Variants in HORMAD2 observed in about 807,000 individuals in gnomAD.
The protein encoded by HORMAD2 is HORMA domain containing 2, also known as HORMA domain-containing protein 2.
In HORMAD2, 45 loss-of-function variants were observed where a neutral mutation model predicts 38.8. The ratio of observed to expected loss-of-function variants is 1.16; its 90% confidence interval spans 0.91 to 1.49. The LOEUF (loss-of-function observed/expected upper bound fraction) is 1.49. Among genes scored for constraint, HORMAD2 ranks in the 40% most tolerant of loss-of-function variants. The probability of loss-of-function intolerance (pLI) is 0.00; values close to 1 mark genes in which losing one functional copy is unlikely to be tolerated. For missense variants in HORMAD2, 338 were observed against 367.0 expected, an observed-to-expected ratio of 0.92 and a Z score of 0.65; for synonymous variants, 126 against 122.8, an observed-to-expected ratio of 1.03 and a Z score of -0.17.
chr22:30,078,617 A>C (rs2068416800), upstream of HORMAD2, among the ~76,000 whole-genome samples: 1 of 148,030 alleles, frequency 6.8e-6, no homozygotes, highest in Admixed American at 6.8e-5. Flanking sequence ...CAAAAAAAAA[A>C]AAAAAAAAAA....
At position 30,093,942 on chromosome 22, in the gene HORMAD2, A is replaced by G. The variant is rs530945240; in HGVS notation, c.-11A>G. 38 of 1,589,734 alleles carry G rather than the reference A, an allele frequency of 2.4e-5. 2 individuals carry two copies. The South Asian group carries it at 4.3e-4, about 18-fold the overall frequency. On this transcript the variant is annotated 5_prime_UTR_variant, in exon 2 of 11. It adds an upstream start codon to the 5' untranslated region. Transcript: ENST00000336726. ...TTGGACTTGTTGAAATAATCCTGAT[A>G]CATTCCTACAATGGCCACTGCTCAG...
the HORMAD2 span, among the ~76,000 whole-genome samples, chr22:30,201,783 G>T: frequency 6.6e-6 from 1 of 152,044 alleles, no homozygotes; most frequent in East Asian, 1.9e-4. Flanking sequence ...TGTCTCTGAC[G>T]AGGCTACATC....
chr22:30,102,113 C>T (rs1314093633), intron 3 of HORMAD2, among the ~76,000 whole-genome samples: 1 of 152,088 alleles, frequency 6.6e-6, no homozygotes, highest in African/African-American at 2.4e-5. Context: ...CAATAAAATG[C>T]ATGTGTGCTA....
rs1292787360 is a variant in HORMAD2, at chr22:30,121,654, GAAAGTGGAAC to G, written c.437_446del (p.Ser146ThrfsTer12). On this transcript the variant is annotated frameshift_variant, in exon 9 of 11. Transcript: ENST00000336726. LOFTEE classifies it high-confidence loss of function. ...TAGTCATAGCAGCAGTACAAGCTTT[GAAAGTGGAAC>G]AAACAATGAAGATATTAAGAAAGCC... 1.9e-6 allele frequency: 3 copies of G among 1,599,074 alleles called. No individual in the cohort carries two copies. Among genetic ancestry groups the G allele is most frequent in the East Asian group, 4.5e-5 (2 of 44,570 alleles).
chr22:30,118,891 AGT>A lies in HORMAD2; in HGVS notation c.343-87_343-86del, dbSNP rs1922237369. 18 of 803,412 alleles carry A rather than the reference AGT, an allele frequency of 2.2e-5. No homozygotes were observed. In the South Asian group the frequency reaches 2.6e-4, roughly 12 times the overall value. 49.8% of individuals were successfully genotyped at this position (803,412 alleles called of 1,614,324 possible). The stretch of plus-strand genomic sequence containing the variant: ...TATATAGGAAGTACAGTAGATATAC[AGT>A]GAAAATGTTCCTTACTTATGATCAG... On this transcript the variant is annotated intron_variant, in intron 7 of 10. Coordinates refer to ENST00000336726, the MANE Select transcript of HORMAD2 (RefSeq NM_152510.4).
chr22:30,124,287 ACACAC>A (rs1244482542), intron 10 of HORMAD2, among the ~76,000 whole-genome samples: 9 of 151,722 alleles, frequency 5.9e-5, no homozygotes, highest in African/African-American at 2.2e-4. Flanking sequence ...ACACACACAC[ACACAC>A]ATACATACAT....
the HORMAD2 span, among the ~76,000 whole-genome samples, chr22:30,195,566 C>T: frequency 6.6e-6 from 1 of 152,224 alleles, no homozygotes; most frequent in Non-Finnish European, 1.5e-5. Flanking sequence ...GATACCTCAA[C>T]TAGGAATGTC....
intron 10 of HORMAD2, among the ~76,000 whole-genome samples, chr22:30,134,196 G>A (rs962429716): frequency 1.1e-4 from 16 of 151,796 alleles, no homozygotes; most frequent in Non-Finnish European, 2.2e-4. Flanking sequence ...TCAGGAGTTC[G>A]AGACAAGCCT....
chr22:30,166,371 G>A (rs916799448), intron 10 of HORMAD2, among the ~76,000 whole-genome samples: 2 of 152,128 alleles, frequency 1.3e-5, no homozygotes, highest in African/African-American at 4.8e-5. Context: ...ATGTCAAATA[G>A]GTAGCCACTT....
At chr22:30,187,402 C>A in the HORMAD2 span, among the ~76,000 whole-genome samples, 3 of 152,162 alleles carry the variant, frequency 2.0e-5, no homozygotes, top group African/African-American at 7.2e-5. Context: ...AACCACCATG[C>A]TTTGCTATGA....
intron 10 of HORMAD2, among the ~76,000 whole-genome samples, chr22:30,154,805 T>C (rs1420464004): frequency 6.6e-6 from 1 of 152,208 alleles, no homozygotes; most frequent in Non-Finnish European, 1.5e-5. Context: ...TGGTGGATTA[T>C]GCTTGTTATC....
intron 10 of HORMAD2, among the ~76,000 whole-genome samples, chr22:30,124,077 C>G (rs1383179853): frequency 6.6e-6 from 1 of 151,754 alleles, no homozygotes; most frequent in Non-Finnish European, 1.5e-5. Context: ...GATAATCCTT[C>G]TCAAGCATAC....
At chr22:30,131,060 A>G (rs1923250492) in intron 10 of HORMAD2, among the ~76,000 whole-genome samples, 1 of 152,192 alleles carries the variant, frequency 6.6e-6, no homozygotes, top group African/African-American at 2.4e-5. Context: ...AACTTCCCCT[A>G]AAGATCCTTA....
chr22:30,188,553 C>T, the HORMAD2 span, among the ~76,000 whole-genome samples: 1 of 152,150 alleles, frequency 6.6e-6, no homozygotes, highest in Non-Finnish European at 1.5e-5. Flanking sequence ...TTTGTATGTA[C>T]ATAAATTTCC....
intron 3 of HORMAD2, among the ~76,000 whole-genome samples, chr22:30,103,187 C>T (rs1006875888): frequency 1.3e-5 from 2 of 152,018 alleles, no homozygotes; most frequent in African/African-American, 4.8e-5. Context: ...GATTTTGGAG[C>T]CAACTCAGTT....
At chr22:30,111,286 G>A (rs1921631163) in intron 5 of HORMAD2, among the ~76,000 whole-genome samples, 9 of 151,906 alleles carry the variant, frequency 5.9e-5, no homozygotes, top group Admixed American at 5.9e-4. Context: ...AGGAGTTCAC[G>A]ACCAGCCTAG....
chr22:30,160,673 T>C (rs975652000), intron 10 of HORMAD2, among the ~76,000 whole-genome samples: 1 of 152,182 alleles, frequency 6.6e-6, no homozygotes, highest in African/African-American at 2.4e-5. Flanking sequence ...TTGAATTGCA[T>C]ATTATGTAAA....
At chr22:30,116,929 G>A (rs9620948) in intron 7 of HORMAD2, among the ~76,000 whole-genome samples, 15,188 of 150,718 alleles carry the variant, frequency 0.1, 778 homozygotes, top group Middle Eastern at 0.13. Flanking sequence ...TTGGCTAAGA[G>A]AGGACTCTGT....
the HORMAD2 span, among the ~76,000 whole-genome samples, chr22:30,200,993 G>A: frequency 4.0e-5 from 6 of 151,814 alleles, no homozygotes; most frequent in South Asian, 2.1e-4. Context: ...CAGGTGATCC[G>A]CCCACCTCGG....
Sources: allele counts gnomAD v4.1 joint callset (sites outside exome capture counted in the v4.1 genomes callset), GRCh38; gene constraint gnomAD v4.1.1; transcripts MANE v1.5; gene names NCBI Gene and HGNC (gene_info 2026-07-23, HGNC 2026-07-21).